The following ZNF831 variants were observed in gnomAD, a reference collection of about 807,000 sequenced individuals.
ZNF831 encodes the protein zinc finger protein 831, also known as chromosome 20 open reading frame 174.
ZNF831 carries 59 observed loss-of-function variants against 95.8 expected under a neutral mutation model. The observed-to-expected ratio is 0.62, with a 90% CI of 0.50 to 0.77. ZNF831 has a LOEUF of 0.77. Among genes scored for constraint, ZNF831 ranks in the 30% least tolerant of loss-of-function variants. The probability of loss-of-function intolerance (pLI) is 0.00; values close to 1 mark genes in which losing one functional copy is unlikely to be tolerated. For synonymous variants in ZNF831, 961 were observed against 925.5 expected (o/e 1.04, Z -0.70); for missense variants, 2,205 against 2,164.0 (o/e 1.02, Z -0.38).
chr20:59,138,410 C>T (rs1417430558), intron 1 of ZNF831, among the ~76,000 whole-genome samples: 1 of 150,448 alleles, frequency 6.6e-6, no homozygotes, highest in African/African-American at 2.4e-5. Context: ...TCCCCTGCCA[C>T]TAGTCTCTTC....
chr20:59,211,378 G>C (rs1985319424), intron 4 of ZNF831, among the ~76,000 whole-genome samples: 2 of 152,246 alleles, frequency 1.3e-5, no homozygotes, highest in African/African-American at 4.8e-5. Flanking sequence ...GGATGTGGTA[G>C]AAGCCCTAGC....
chr20:59,209,515 T>C (rs1247363270), intron 4 of ZNF831, among the ~76,000 whole-genome samples: 1 of 152,118 alleles, frequency 6.6e-6, no homozygotes, highest in African/African-American at 2.4e-5. Flanking sequence ...GGAGTTCAGA[T>C]AGAGTGTAGG....
chr20:59,175,627 G>C (rs560349623), intron 1 of ZNF831, among the ~76,000 whole-genome samples: 19 of 151,736 alleles, frequency 1.3e-4, no homozygotes, highest in East Asian at 9.6e-4. Flanking sequence ...CTATGTCTTT[G>C]CTGGGGCTTT....
At chr20:59,125,484 A>C (rs1979144197) in intron 1 of ZNF831, among the ~76,000 whole-genome samples, 1 of 151,996 alleles carries the variant, frequency 6.6e-6, no homozygotes, top group Admixed American at 6.6e-5. Context: ...CCTTAGTGAG[A>C]TCCCCAGGCA....
chr20:59,184,408 C>A (rs1039918887), intron 1 of ZNF831, among the ~76,000 whole-genome samples: 2 of 152,122 alleles, frequency 1.3e-5, no homozygotes, highest in South Asian at 2.1e-4. Context: ...CCTCCCTCCC[C>A]CCTTTTTTTT....
rs768336653 is a variant in ZNF831 at position 59,191,649 on chromosome 20, G to T, written c.630G>T (p.Gly210=). 1.9e-6 allele frequency: 3 copies of T among 1,563,528 alleles called. No homozygotes were observed. The South Asian group carries it at 3.6e-5, about 19-fold the overall frequency. The change falls in exon 2 of 6, where the codon GGG becomes GGT. Residue 210 remains glycine, a synonymous_variant. Transcript: ENST00000371030. ...TGTCCTCAGAGTCCGAGGGCGCCGG[G>T]GGCGGCCTCCTGGAGGAAGGGGACA... ...SRLSSESEGA[G]GGLLEEGDKA...
chr20:59,138,129 G>A (rs894498763), intron 1 of ZNF831, among the ~76,000 whole-genome samples: 2 of 152,136 alleles, frequency 1.3e-5, no homozygotes, highest in East Asian at 1.9e-4. Context: ...GGAGCATTTT[G>A]GAAGACTAAT....
chr20:59,222,049 C>T (rs371702328), intron 4 of ZNF831, among the ~76,000 whole-genome samples: 5 of 152,172 alleles, frequency 3.3e-5, no homozygotes, highest in South Asian at 4.1e-4. Flanking sequence ...AGTTAATGTG[C>T]GACGCCCCCT....
At chr20:59,155,978 C>T (rs1980516785) in intron 2 of ZNF831, among the ~76,000 whole-genome samples, 1 of 151,984 alleles carries the variant, frequency 6.6e-6, no homozygotes, top group African/African-American at 2.4e-5. Context: ...AAGTAGGGTC[C>T]ACCTAAAGGG....
At chr20:59,184,318 A>G (rs946137611) in intron 1 of ZNF831, among the ~76,000 whole-genome samples, 1 of 152,150 alleles carries the variant, frequency 6.6e-6, no homozygotes, top group African/African-American at 2.4e-5. Context: ...TGCAATTACA[A>G]TGCTGATGTT....
chr20:59,200,375 C>A (rs1218124419), intron 3 of ZNF831, among the ~76,000 whole-genome samples: 1 of 151,976 alleles, frequency 6.6e-6, no homozygotes, highest in Non-Finnish European at 1.5e-5. Context: ...CTTTTAATAA[C>A]CTTGTTTCTC....
At position 59,192,324 on chromosome 20, in the gene ZNF831, C is replaced by T. The variant is rs2146563584; in HGVS notation, c.1305C>T (p.Ser435=). 6.3e-7 allele frequency: 1 copy of T among 1,599,720 alleles called. No homozygotes were observed. Among genetic ancestry groups the T allele is most frequent in the Non-Finnish European group, 8.5e-7 (1 of 1,173,282 alleles). The change falls in exon 2 of 6, where the codon TCC becomes TCT. Residue 435 remains serine (S), a synonymous_variant. Transcript: ENST00000371030. The surrounding 1 kb of genome is among the most constrained non-coding windows in gnomAD (Gnocchi z 5.2). Reference sequence around the variant, plus strand: ...TGCGGCCCCGGAAGACCGGGCTGTCCAAACAGGGCAGCATCGACCTGCCCA... The same window carrying T: ...TGCGGCCCCGGAAGACCGGGCTGTCTAAACAGGGCAGCATCGACCTGCCCA... ...DNVRPRKTGL[S]KQGSIDLPTP...
At position 59,227,523 on chromosome 20, in the gene ZNF831, A is replaced by C. The variant is rs141853561; in HGVS notation, c.4027+20467A>C. ...TTTTAATACAAACAGAAGTAGAAAA[A>C]GACCTAGTATCTAATTGGAGGATCC... On this transcript the variant is annotated intron_variant, in intron 4 of 5. Transcript: ENST00000371030. 3.3e-3 allele frequency among the ~76,000 whole-genome samples: 506 copies of C among 152,348 alleles called. 4 individuals are homozygous for C. The highest frequency in any genetic ancestry group is 3.0e-3 in the Non-Finnish European group (206 of 68,030).
intron 4 of ZNF831, among the ~76,000 whole-genome samples, chr20:59,225,394 T>C (rs1236811702): frequency 6.6e-6 from 1 of 152,238 alleles, no homozygotes; most frequent in East Asian, 1.9e-4. Flanking sequence ...ATATTTCTTC[T>C]TTGCTTCCAG....
Position 59,194,675 on chromosome 20 carries a change from A to G in ZNF831, c.3656A>G (p.Glu1219Gly), listed in dbSNP as rs1489031231. The G allele has an allele frequency of 6.2e-7, 1 of 1,612,568 alleles. No individual in the cohort carries two copies. The highest frequency in any genetic ancestry group is 2.2e-5 in the East Asian group (1 of 44,876). ...VHFPGSSLRD[E>G]GPNGPPGSNG... is the part of the protein sequence containing the mutation. The stretch of plus-strand genomic sequence containing the variant: ...TTTCCTGGTAGCAGCCTCCGAGATG[A>G]GGGTCCCAATGGCCCTCCTGGGAGC... The change falls in exon 2 of 6, where the codon GAG (glutamate) becomes GGG (glycine). Residue 1219 changes from glutamate (E) to glycine (G), a missense_variant. By Grantham distance (98) the Glu-to-Gly change is moderately conservative. Coordinates refer to ENST00000371030, the MANE Select transcript of ZNF831 (RefSeq NM_178457.3).
intron 1 of ZNF831, among the ~76,000 whole-genome samples, chr20:59,138,174 G>A (rs948971142): frequency 5.3e-5 from 8 of 152,316 alleles, no homozygotes; most frequent in Admixed American, 2.0e-4. Flanking sequence ...GCATTGCAAT[G>A]TTTGTTCAAC....
chr20:59,227,518 G>A (rs1356902007), intron 4 of ZNF831, among the ~76,000 whole-genome samples: 3 of 152,136 alleles, frequency 2.0e-5, no homozygotes, highest in Non-Finnish European at 2.9e-5. Context: ...AACAGAAGTA[G>A]AAAAAGACCT....
chr20:59,168,038 A>G (rs1981423328), intron 1 of ZNF831, among the ~76,000 whole-genome samples: 1 of 152,048 alleles, frequency 6.6e-6, no homozygotes. Flanking sequence ...TTTACACTTT[A>G]TTATCTTTCT....
intron 1 of ZNF831, among the ~76,000 whole-genome samples, chr20:59,190,690 C>A (rs904462645): frequency 6.6e-6 from 1 of 152,220 alleles, no homozygotes; most frequent in Non-Finnish European, 1.5e-5. Context: ...TGGTGGCAAA[C>A]CTGCCATGGA....
Sources: allele counts gnomAD v4.1 joint callset (sites outside exome capture counted in the v4.1 genomes callset), GRCh38; gene constraint gnomAD v4.1.1; non-coding constraint Gnocchi (gnomAD v3.1); transcripts MANE v1.5; gene names NCBI Gene and HGNC (gene_info 2026-07-23, HGNC 2026-07-21).